PPP2R2C: variants seen among roughly 807,000 people sequenced by gnomAD.
PPP2R2C encodes the protein protein phosphatase 2, regulatory subunit B, gamma.
Under a neutral mutation model 45.3 loss-of-function variants are expected in PPP2R2C, and 10 were observed. The observed-to-expected ratio is 0.22, with a 90% CI of 0.14 to 0.37. The LOEUF is 0.37. Ranked by LOEUF, PPP2R2C falls within the 10% of genes least tolerant of loss-of-function variation. The pLI is 1.00. For synonymous variants in PPP2R2C, 257 were observed against 245.4 expected (o/e 1.05, Z -0.44); for missense variants, 308 against 619.7 (o/e 0.50, Z 5.34).
chr4:6,384,481 C>T, intron 1 of PPP2R2C: 4 of 980,860 alleles, frequency 4.1e-6, no homozygotes, highest in African/African-American at 1.7e-5. Context: ...AATGAAGTTA[C>T]ATCATTTTTT....
At chr4:6,325,193 G>A (rs1196407493) in intron 8 of PPP2R2C, among the ~76,000 whole-genome samples, 2 of 152,200 alleles carry the variant, frequency 1.3e-5, no homozygotes, top group Non-Finnish European at 1.5e-5. Flanking sequence ...ATAAGAACTG[G>A]GATCAACAAG....
intron 5 of PPP2R2C, among the ~76,000 whole-genome samples, chr4:6,362,635 C>T (rs1259802338): frequency 1.3e-5 from 2 of 152,172 alleles, no homozygotes; most frequent in African/African-American, 4.8e-5. Flanking sequence ...GGCAAGGGAG[C>T]CCACCTCTCA....
intron 2 of PPP2R2C, among the ~76,000 whole-genome samples, chr4:6,532,774 A>ACCATCAC (rs1387432362): frequency 1.3e-5 from 2 of 152,094 alleles, no homozygotes; most frequent in Non-Finnish European, 2.9e-5. Context: ...CGCTGCCACC[A>ACCATCAC]CCATCACCCA....
Position 6,337,264 on chromosome 4 carries a change from A to AG in PPP2R2C, c.791-3534dup, listed in dbSNP as rs201487371. Among the ~76,000 whole-genome samples the AG allele has an allele frequency of 8.8e-3, 1,330 of 150,626 alleles. 9 individuals are homozygous for AG. Among genetic ancestry groups the AG allele is most frequent in the Non-Finnish European group, 0.015 (1,045 of 67,596 alleles). On this transcript the variant is annotated intron_variant, in intron 6 of 8. Coordinates refer to ENST00000382599, the MANE Select transcript of PPP2R2C (RefSeq NM_020416.4). The stretch of plus-strand genomic sequence containing the variant: ...TCACTTCGAACGCTTGATTCCCTAA[A>AG]GGGGTGATGTTGTGCTGCCTTTCCA...
At chr4:6,355,424 C>T (rs182705940) in intron 5 of PPP2R2C, among the ~76,000 whole-genome samples, 14 of 151,816 alleles carry the variant, frequency 9.2e-5, no homozygotes, top group East Asian at 3.9e-4. Context: ...TGCTAGATGA[C>T]GAGTTAGTGG....
chr4:6,358,156 G>C (rs1713387410), intron 5 of PPP2R2C, among the ~76,000 whole-genome samples: 1 of 152,032 alleles, frequency 6.6e-6, no homozygotes, highest in Non-Finnish European at 1.5e-5. Context: ...CAATGGAACA[G>C]AACAGAGGCC....
Position 6,433,656 on chromosome 4 carries a change from T to G in PPP2R2C, c.70+38504A>C, listed in dbSNP as rs542239944. ...TCCAGACCCTGGGTTCAACTATACATGCAGTCACTATAATAGCTAATTTGA... is the reference window on the plus strand; with the variant it reads ...TCCAGACCCTGGGTTCAACTATACAGGCAGTCACTATAATAGCTAATTTGA... On this transcript the variant is annotated intron_variant, in intron 1 of 8. Transcript: ENST00000382599. Among the ~76,000 whole-genome samples the G allele has an allele frequency of 3.3e-5, 5 of 152,344 alleles. No homozygotes were observed. In the East Asian group the frequency reaches 9.6e-4, roughly 29 times the overall value.
chr4:6,382,086 AAT>A, intron 1 of PPP2R2C: 1 of 1,364,182 alleles, frequency 7.3e-7, no homozygotes, highest in Non-Finnish European at 9.4e-7. Flanking sequence ...GCAGCCCCAA[AAT>A]GATTATTACT....
intron 6 of PPP2R2C, among the ~76,000 whole-genome samples, chr4:6,341,430 G>A (rs1445291820): frequency 6.6e-6 from 1 of 151,940 alleles, no homozygotes; most frequent in Non-Finnish European, 1.5e-5. Flanking sequence ...GAAAAAGAGT[G>A]CAGGTTGAAG....
At chr4:6,511,574 T>C (rs1577229514) in intron 2 of PPP2R2C, among the ~76,000 whole-genome samples, 1 of 22,216 alleles carries the variant, frequency 4.5e-5, no homozygotes, top group South Asian at 2.3e-3. Context: ...GTGGTGGTGA[T>C]GGCGGTGGTG....
intron 5 of PPP2R2C, among the ~76,000 whole-genome samples, chr4:6,370,191 C>T (rs1714684411): frequency 6.6e-6 from 1 of 152,214 alleles, no homozygotes; most frequent in Admixed American, 6.5e-5. Context: ...CATGGAGGCC[C>T]GAGCATGAGC....
Position 6,439,956 on chromosome 4 carries a change from G to A in PPP2R2C, c.70+32204C>T, listed in dbSNP as rs78853551. ...CTGCCCTACGTCTTCACTTCACTGC[G>A]TAGAAAACTCTTGCTAAGCTCTTAA... On this transcript the variant is annotated intron_variant, in intron 1 of 8. Transcript: ENST00000382599. Among the ~76,000 whole-genome samples, 32 of 152,194 alleles carry A rather than the reference G, an allele frequency of 2.1e-4. No homozygotes were observed. The East Asian group carries it at 3.7e-3, about 17-fold the overall frequency.
At chr4:6,509,823 C>A (rs920710280) in intron 2 of PPP2R2C, among the ~76,000 whole-genome samples, 1 of 152,192 alleles carries the variant, frequency 6.6e-6, no homozygotes, top group Non-Finnish European at 1.5e-5. Flanking sequence ...ACAATGGCAC[C>A]CACCTTCCTG....
At chr4:6,502,588 CCCACACATG>C (rs1723095633) in intron 2 of PPP2R2C, among the ~76,000 whole-genome samples, 1 of 151,714 alleles carries the variant, frequency 6.6e-6, no homozygotes, top group South Asian at 2.1e-4. Flanking sequence ...TTATTGAGTT[CCCACACATG>C]CCACACCCAA....
chr4:6,516,424 AGCTGAGCAAGCTGCACCTCAGAGAGG>A (rs1186540739), intron 2 of PPP2R2C, among the ~76,000 whole-genome samples: 127 of 152,210 alleles, frequency 8.3e-4, no homozygotes, highest in Admixed American at 2.9e-3. Context: ...TCCTCTGTGC[AGCTGAGCAAGCTGCACCTCAGAGAGG>A]GCCTGGCTAG....
In PPP2R2C at chr4:6,509,996, C is replaced by T. The variant is rs891633611; in HGVS notation, c.49+25275G>A. Among the ~76,000 whole-genome samples, 6 of 152,176 alleles carry T rather than the reference C, an allele frequency of 3.9e-5. No homozygotes were observed. The South Asian group carries it at 6.2e-4, about 16-fold the overall frequency. ...CCACAAGTGTCCCAGGTGCTTCTAACGTCCTCTCATTCCACAGCCACCACC... is the reference window on the plus strand; with the variant it reads ...CCACAAGTGTCCCAGGTGCTTCTAATGTCCTCTCATTCCACAGCCACCACC... On this transcript the variant is annotated intron_variant, in intron 2 of 9. Transcript: ENST00000506140.
chr4:6,491,162 G>A (rs1231795690), intron 2 of PPP2R2C, among the ~76,000 whole-genome samples: 1 of 152,202 alleles, frequency 6.6e-6, no homozygotes, highest in Admixed American at 6.5e-5. Context: ...ACTGTGTTGT[G>A]TACCCTAGTG....
At chr4:6,468,967 T>C (rs1455621215) in intron 1 of PPP2R2C, among the ~76,000 whole-genome samples, 2 of 150,968 alleles carry the variant, frequency 1.3e-5, no homozygotes. Context: ...CCTGACCCCA[T>C]TCATGCAAAG....
At chr4:6,422,409 T>C (rs1719038985) in intron 1 of PPP2R2C, among the ~76,000 whole-genome samples, 2 of 152,236 alleles carry the variant, frequency 1.3e-5, no homozygotes, top group South Asian at 4.1e-4. Context: ...GTCCTCATTT[T>C]TTTATATGGG....
Sources: allele counts gnomAD v4.1 joint callset (sites outside exome capture counted in the v4.1 genomes callset), GRCh38; gene constraint gnomAD v4.1.1; transcripts MANE v1.5; gene names NCBI Gene and HGNC (gene_info 2026-07-23, HGNC 2026-07-21).